NME7: variants seen among roughly 807,000 people sequenced by gnomAD.
NME7 encodes the protein NME/NM23 family member 7, also known as nucleoside diphosphate kinase 7.
In NME7, 41 loss-of-function variants were observed where a neutral mutation model predicts 49.1. The observed-to-expected ratio is 0.83, with a 90% CI of 0.65 to 1.08. The LOEUF is 1.08. Among genes scored for constraint, NME7 ranks in the 50% least tolerant of loss-of-function variants. The probability of loss-of-function intolerance (pLI) is 0.00; values close to 1 mark genes in which losing one functional copy is unlikely to be tolerated. For synonymous variants in NME7, 139 were observed against 150.6 expected (o/e 0.92, Z 0.56); for missense variants, 423 against 463.4 (o/e 0.91, Z 0.80).
At chr1:169,184,743 T>G (rs1041396880) in intron 10 of NME7, among the ~76,000 whole-genome samples, 1 of 151,532 alleles carries the variant, frequency 6.6e-6, no homozygotes, top group African/African-American at 2.4e-5. Flanking sequence ...TTATTCTAAA[T>G]GGTCACAGTC....
chr1:169,163,085 C>T (rs1481942078), intron 11 of NME7, among the ~76,000 whole-genome samples: 1 of 152,052 alleles, frequency 6.6e-6, no homozygotes, highest in Non-Finnish European at 1.5e-5. Flanking sequence ...TTATTTTCCC[C>T]ACATAACAAT....
At chr1:169,249,849 T>C (rs950241243) in intron 7 of NME7, among the ~76,000 whole-genome samples, 1 of 152,150 alleles carries the variant, frequency 6.6e-6, no homozygotes, top group Admixed American at 6.6e-5. Flanking sequence ...TGGTGTATTA[T>C]CTTTTTGATG....
At chr1:169,298,463 C>T in intron 6 of NME7, 93 bp downstream of exon 6, 2 of 1,286,688 alleles carry the variant, frequency 1.6e-6, no homozygotes, top group South Asian at 1.4e-5. Context: ...AGCATAAATC[C>T]ACCCTAAGTC....
At chr1:169,167,130 T>C (rs949976996) in intron 11 of NME7, among the ~76,000 whole-genome samples, 1 of 152,170 alleles carries the variant, frequency 6.6e-6, no homozygotes, top group Non-Finnish European at 1.5e-5. Flanking sequence ...AGGATGTATA[T>C]AAGTATTCAA....
chr1:169,284,759 T>C (rs1399164895), intron 7 of NME7: 1 of 152,208 alleles, frequency 6.6e-6, no homozygotes, highest in African/African-American at 2.4e-5. Context: ...TTAATTTTTG[T>C]ATACGGTATA....
chr1:169,138,644 G>C (rs1343415704), intron 11 of NME7, among the ~76,000 whole-genome samples: 1 of 152,022 alleles, frequency 6.6e-6, no homozygotes. Flanking sequence ...ACTTGAGCCT[G>C]GGAAGTCGAG....
chr1:169,172,579 C>T (rs1032440947), intron 10 of NME7, among the ~76,000 whole-genome samples: 2 of 152,098 alleles, frequency 1.3e-5, no homozygotes, highest in Non-Finnish European at 2.9e-5. Flanking sequence ...TTTCATGCTG[C>T]TATAATTTTG....
chr1:169,289,602 T>A (rs1650414759), intron 6 of NME7, among the ~76,000 whole-genome samples: 1 of 152,114 alleles, frequency 6.6e-6, no homozygotes, highest in Admixed American at 6.6e-5. Flanking sequence ...GATAAATTGT[T>A]CTGTCTCTAG....
chr1:169,280,201 C>T (rs1414155142), intron 7 of NME7, among the ~76,000 whole-genome samples: 1 of 152,176 alleles, frequency 6.6e-6, no homozygotes, highest in Non-Finnish European at 1.5e-5. Context: ...ATTTGCATTT[C>T]TCTAATGACC....
intron 1 of NME7, among the ~76,000 whole-genome samples, chr1:169,333,485 A>T (rs1391254607): frequency 7.8e-6 from 1 of 128,364 alleles, no homozygotes; most frequent in Non-Finnish European, 1.9e-5. Context: ...ATTGTTTGTA[A>T]CAAAAGGATA....
At chr1:169,235,091 C>T (rs1249134806) in intron 9 of NME7, 40 bp downstream of exon 9, 1 of 1,187,580 alleles carries the variant, frequency 8.4e-7, no homozygotes, top group African/African-American at 1.5e-5. Flanking sequence ...ATACTTTTCA[C>T]TTAACAGTAC....
chr1:169,144,762 G>A (rs186620504), intron 11 of NME7, among the ~76,000 whole-genome samples: 5 of 152,226 alleles, frequency 3.3e-5, no homozygotes, highest in Admixed American at 6.5e-5. Flanking sequence ...GCACTGTGGC[G>A]TGCACCTGCC....
chr1:169,300,131 C>T (rs537626532), intron 5 of NME7, among the ~76,000 whole-genome samples: 14 of 152,230 alleles, frequency 9.2e-5, no homozygotes, highest in Non-Finnish European at 1.5e-4. Context: ...TCTTTTGTTA[C>T]ATCATTCTCA....
At chr1:169,331,585 A>G (rs774582337) in intron 1 of NME7, among the ~76,000 whole-genome samples, 14 of 152,170 alleles carry the variant, frequency 9.2e-5, no homozygotes, top group Non-Finnish European at 8.8e-5. Flanking sequence ...TAAAGACTCC[A>G]CTGAAAGACT....
chr1:169,322,576 T>A (rs1357846999), intron 3 of NME7: 6 of 152,076 alleles, frequency 3.9e-5, no homozygotes, highest in Admixed American at 2.6e-4. Flanking sequence ...TCAGTCTCCC[T>A]GTATCATAAT....
At chr1:169,324,312 T>C in intron 2 of NME7, 81 bp downstream of exon 2, 1 of 819,634 alleles carries the variant, frequency 1.2e-6, no homozygotes, top group Non-Finnish European at 2.0e-6. Flanking sequence ...AAATGTGTTT[T>C]TAAAAAGCAA....
chr1:169,218,695 C>T (rs1253273738), intron 10 of NME7, among the ~76,000 whole-genome samples: 2 of 144,888 alleles, frequency 1.4e-5, no homozygotes, highest in African/African-American at 5.2e-5. Context: ...GTAATATAGC[C>T]CAATGCCAAT....
intron 11 of NME7, among the ~76,000 whole-genome samples, chr1:169,150,216 G>A (rs566643771): frequency 6.6e-6 from 1 of 152,082 alleles, no homozygotes; most frequent in South Asian, 2.1e-4. Context: ...TACTCTGTAT[G>A]TCTGTATGTG....
chr1:169,307,205 A>G (rs1651204817), intron 4 of NME7, among the ~76,000 whole-genome samples: 1 of 152,228 alleles, frequency 6.6e-6, no homozygotes, highest in African/African-American at 2.4e-5. Flanking sequence ...AGCAGCCTAC[A>G]GGGCTAAAAG....
Sources: gnomAD v4.1 joint callset for allele counts (sites outside exome capture counted in the v4.1 genomes callset) on GRCh38, gnomAD v4.1.1 for gene constraint, MANE v1.5 for transcripts, NCBI Gene and HGNC (gene_info 2026-07-23, HGNC 2026-07-21) for gene names.